NLRP1: variants seen among roughly 807,000 people sequenced by gnomAD.
NLRP1 encodes the protein NACHT, LRR and PYD domains-containing protein 1.
NLRP1 carries 94 observed loss-of-function variants against 136.7 expected under a neutral mutation model. That is an observed-to-expected ratio of 0.69 (90% CI 0.58 to 0.82). The LOEUF (loss-of-function observed/expected upper bound fraction) is 0.82. NLRP1 is among the 40% of genes least tolerant of loss of function. NLRP1 has a pLI of 0.00. For synonymous variants in NLRP1, 690 were observed against 725.1 expected (o/e 0.95, Z 0.78); for missense variants, 1,575 against 1,802.7 (o/e 0.87, Z 2.29).
At chr17:5,551,106 T>C (rs1913300623) in intron 5 of NLRP1, among the ~76,000 whole-genome samples, 1 of 152,140 alleles carries the variant, frequency 6.6e-6, no homozygotes, top group Non-Finnish European at 1.5e-5. Context: ...CTATGGATTT[T>C]GATTGCTGTA....
Position 5,521,519 on chromosome 17 carries a change from G to A in NLRP1, c.3783+5C>T, listed in dbSNP as rs768296567. On this transcript the variant is annotated splice_donor_5th_base_variant and intron_variant, in intron 13 of 16. Coordinates refer to ENST00000572272, the MANE Select transcript of NLRP1 (RefSeq NM_033004.4). ...TGGCCCAGCCTTTCTGGCTCTTAGT[G>A]TCACCTTCCGAATGGAGCAGTCACT... is the stretch of plus-strand genomic sequence containing the variant. 6.2e-7 allele frequency: 1 copy of A among 1,611,194 alleles called. No individual in the cohort carries two copies. Among genetic ancestry groups the A allele is most frequent in the Non-Finnish European group, 8.5e-7 (1 of 1,178,138 alleles).
intron 4 of NLRP1, 134 bp downstream of exon 4, chr17:5,558,205 A>G (rs572004102): frequency 1.5e-4 from 130 of 858,106 alleles, no homozygotes; most frequent in Admixed American, 2.7e-4. Context: ...GGGCAGTTAG[A>G]AGTCACTGGA....
chr17:5,535,215 G>C (rs1036334612), intron 8 of NLRP1, among the ~76,000 whole-genome samples: 2 of 150,040 alleles, frequency 1.3e-5, no homozygotes, highest in African/African-American at 4.9e-5. Flanking sequence ...GCGAGACTCT[G>C]TCTCAAAAAA....
At chr17:5,512,388 T>C, downstream of NLRP1, 1 of 1,072,394 alleles carries the variant, frequency 9.3e-7, no homozygotes, top group Non-Finnish European at 1.5e-6. Context: ...ACTTGTAACA[T>C]CTTCTAGTGC....
At chr17:5,508,314 TTAAAA>T (rs1349471521) in intron 15 of NLRP1, among the ~76,000 whole-genome samples, 1 of 152,072 alleles carries the variant, frequency 6.6e-6, no homozygotes, top group African/African-American at 2.4e-5. Flanking sequence ...AAAATAAAAA[TTAAAA>T]TAAATTTGTT....
chr17:5,532,686 T>TATACAC, intron 11 of NLRP1, 136 bp downstream of exon 11: 1 of 629,080 alleles, frequency 1.6e-6, no homozygotes. Context: ...CTCTGCCTGT[T>TATACAC]GTCTTGGCAA....
At chr17:5,578,911 C>A (rs966796592) in intron 3 of NLRP1, among the ~76,000 whole-genome samples, 1 of 152,190 alleles carries the variant, frequency 6.6e-6, no homozygotes, top group Non-Finnish European at 1.5e-5. Context: ...CACATATACA[C>A]CATGGAATAC....
exon 16 of NLRP1, chr17:5,501,852 A>G (rs775032614): frequency 6.2e-7 from 1 of 1,613,880 alleles, no homozygotes; most frequent in African/African-American, 1.3e-5. Context: ...CTGAGGTTCC[A>G]CGGCTGGCTG....
At chr17:5,569,233 C>T (rs1915627272) in intron 3 of NLRP1, among the ~76,000 whole-genome samples, 1 of 152,160 alleles carries the variant, frequency 6.6e-6, no homozygotes, top group Admixed American at 6.5e-5. Context: ...GCAAAATAAT[C>T]AGCTAACAAC....
At chr17:5,582,981 T>C in intron 1 of NLRP1, 135 bp from the exon 2 acceptor site, 1 of 664,392 alleles carries the variant, frequency 1.5e-6, no homozygotes, top group Non-Finnish European at 2.6e-6. Flanking sequence ...CCTCTACAAC[T>C]TCCTCTAGAG....
At chr17:5,522,282 G>A (rs1278671407) in intron 12 of NLRP1, among the ~76,000 whole-genome samples, 6 of 152,210 alleles carry the variant, frequency 3.9e-5, no homozygotes, top group Non-Finnish European at 8.8e-5. Flanking sequence ...TAACCCCCAA[G>A]GTGATGGTAT....
At chr17:5,501,932 C>A in intron 15 of NLRP1, 1 of 1,468,128 alleles carries the variant, frequency 6.8e-7, no homozygotes, top group South Asian at 1.1e-5. Flanking sequence ...TTGGAGAGGT[C>A]CACTGGCCGG....
At chr17:5,539,610 C>G (rs202210837) in intron 6 of NLRP1, 25 bp from the exon 7 acceptor site, 5 of 1,582,762 alleles carry the variant, frequency 3.2e-6, no homozygotes, top group Non-Finnish European at 4.3e-6. Context: ...CACGCCAGCC[C>G]AGGTCATTGT....
At chr17:5,533,831 G>A in intron 9 of NLRP1, 66 bp downstream of exon 9, 1 of 1,050,188 alleles carries the variant, frequency 9.5e-7, no homozygotes, top group South Asian at 1.4e-5. Flanking sequence ...TGGAGGGAAT[G>A]ACCTCCCACA....
chr17:5,511,441 A>AAAAAAAG (rs2151729684), downstream of NLRP1, among the ~76,000 whole-genome samples: 3 of 149,122 alleles, frequency 2.0e-5, no homozygotes, highest in South Asian at 6.3e-4. Flanking sequence ...CCTCCGTCTA[A>AAAAAAAG]AAAAAAAAAA....
chr17:5,567,762 A>G (rs866693662), intron 3 of NLRP1, among the ~76,000 whole-genome samples: 1 of 152,130 alleles, frequency 6.6e-6, no homozygotes, highest in African/African-American at 2.4e-5. Context: ...GTATTGATGA[A>G]ATCCTTCAGC....
At chr17:5,520,144 C>T (rs1908716290) in intron 14 of NLRP1, among the ~76,000 whole-genome samples, 2 of 152,144 alleles carry the variant, frequency 1.3e-5, no homozygotes, top group Non-Finnish European at 2.9e-5. Flanking sequence ...GCGTGAGCCA[C>T]CGCGCCTGGC....
intron 12 of NLRP1, among the ~76,000 whole-genome samples, chr17:5,526,677 A>T (rs1909590328): frequency 6.6e-6 from 1 of 152,226 alleles, no homozygotes; most frequent in South Asian, 2.1e-4. Flanking sequence ...TGGCCTGTGC[A>T]GTCACACAGG....
chr17:5,539,318 T>C (rs1911533519), intron 7 of NLRP1, 97 bp downstream of exon 7: 1 of 1,163,738 alleles, frequency 8.6e-7, no homozygotes, highest in Non-Finnish European at 1.2e-6. Context: ...GTAAGAAACT[T>C]GGGTTGGCTA....
Sources: allele counts gnomAD v4.1 joint callset (sites outside exome capture counted in the v4.1 genomes callset), GRCh38; gene constraint gnomAD v4.1.1; transcripts MANE v1.5; gene names NCBI Gene and HGNC (gene_info 2026-07-23, HGNC 2026-07-21).